ATRIP: variants seen among roughly 807,000 people sequenced by gnomAD.
ATRIP encodes ATR interacting protein, also known as ATR-interacting protein.
In ATRIP, 44 loss-of-function variants were observed where a neutral mutation model predicts 78.1. The ratio of observed to expected loss-of-function variants is 0.56; its 90% CI spans 0.44 to 0.72. The LOEUF (loss-of-function observed/expected upper bound fraction) is 0.72. ATRIP is among the 30% of genes least tolerant of loss of function. The pLI, the probability that ATRIP is intolerant of heterozygous loss-of-function variation, is 0.00. For synonymous variants in ATRIP, 388 were observed against 408.9 expected, an observed-to-expected ratio of 0.95 and a Z score of 0.62; for missense variants, 927 against 980.2, an observed-to-expected ratio of 0.95 and a Z score of 0.72.
intron 3 of ATRIP, among the ~76,000 whole-genome samples, chr3:48,453,498 C>G (rs948548470): frequency 3.3e-5 from 5 of 152,204 alleles, no homozygotes; most frequent in Non-Finnish European, 5.9e-5. Flanking sequence ...GGCTCATTTC[C>G]CTTATCTGTT....
chr3:48,466,797 C>G lies in ATRIP; in HGVS notation c.*1243C>G. The G allele has an allele frequency of 6.2e-7, 1 of 1,613,954 alleles. No homozygotes were observed. Among genetic ancestry groups the G allele is most frequent in the Non-Finnish European group, 8.5e-7 (1 of 1,180,028 alleles). On this transcript the variant is annotated 3_prime_UTR_variant, in exon 13 of 13. Transcript: ENST00000320211. Reference sequence around the variant, plus strand: ...CCACAGATGTGCCCTGGAGAGCCCCCCCACCTCTCAGGGGCCACCTCCCAC... The same window carrying G: ...CCACAGATGTGCCCTGGAGAGCCCCGCCACCTCTCAGGGGCCACCTCCCAC...
In ATRIP at chr3:48,463,823, G is replaced by GCTC; in HGVS notation, c.1828_1830dup (p.Leu610dup). The GCTC allele has an allele frequency of 6.2e-7, 1 of 1,614,118 alleles. No individual in the cohort carries two copies. The highest frequency in any genetic ancestry group is 8.5e-7 in the Non-Finnish European group (1 of 1,180,030). On this transcript the variant is annotated inframe_insertion, in exon 9 of 13. Coordinates refer to ENST00000320211, the MANE Select transcript of ATRIP (RefSeq NM_130384.3). ...TGCCTAGCGTGCTGCTGGCTGTTGA[G>GCTC]CTCCTCTCCCTGCTGGCGGACCACG...
chr3:48,456,005 C>T (rs1025482572), intron 4 of ATRIP, among the ~76,000 whole-genome samples: 3 of 152,044 alleles, frequency 2.0e-5, no homozygotes, highest in African/African-American at 7.2e-5. Flanking sequence ...CCTGTAATCC[C>T]AGCTATTTGG....
chr3:48,454,267 G>A, intron 3 of ATRIP, 33 bp from the exon 4 acceptor site: 6 of 1,290,184 alleles, frequency 4.7e-6, no homozygotes, highest in South Asian at 1.2e-5. Flanking sequence ...TATATGATGG[G>A]ACCACTACAA....
At chr3:48,465,136 T>TCC in intron 12 of ATRIP, 53 bp downstream of exon 12, 1 of 1,566,848 alleles carries the variant, frequency 6.4e-7, no homozygotes, top group Non-Finnish European at 8.7e-7. Context: ...TTCCAGAGGT[T>TCC]CCCCAACAAG....
intron 4 of ATRIP, among the ~76,000 whole-genome samples, chr3:48,456,092 C>T (rs2039948597): frequency 6.6e-6 from 1 of 151,968 alleles, no homozygotes; most frequent in Non-Finnish European, 1.5e-5. Flanking sequence ...TGCACTCCAG[C>T]CTGGGCAACA....
At chr3:48,464,528 C>T (rs2040213138) in intron 10 of ATRIP, 54 bp from the exon 11 acceptor site, 7 of 1,560,970 alleles carry the variant, frequency 4.5e-6, no homozygotes, top group Non-Finnish European at 6.2e-6. Flanking sequence ...AGAAAACCCT[C>T]GCAGGGACTG....
chr3:48,461,546 A>G (rs1305586009), intron 8 of ATRIP: 1 of 152,126 alleles, frequency 6.6e-6, no homozygotes, highest in African/African-American at 2.4e-5. Flanking sequence ...TTCCATCTGA[A>G]TATTTTTGGT....
At position 48,465,955 on chromosome 3, in the gene ATRIP, C is replaced by T. The variant is rs563050500; in HGVS notation, c.*401C>T. ...GACCCACAGGTGGGCATGAAAGGGC[C>T]GCAGCAGGGGCTCCCAGCAGTGTGT... is the stretch of plus-strand genomic sequence containing the variant. On this transcript the variant is annotated 3_prime_UTR_variant, in exon 13 of 13. Coordinates refer to ENST00000320211, the MANE Select transcript of ATRIP (RefSeq NM_130384.3). 145 of 286,660 alleles carry T rather than the reference C, an allele frequency of 5.1e-4. No homozygotes were observed. The highest frequency in any genetic ancestry group is 2.8e-3 in the African/African-American group (128 of 45,708). 17.8% of individuals were successfully genotyped at this position (286,660 alleles called of 1,614,324 possible). A position where few individuals can be genotyped will look rare whatever the true frequency, so the allele number is the denominator to read the frequency against.
At chr3:48,449,020 A>G (rs1459416245) in intron 1 of ATRIP, among the ~76,000 whole-genome samples, 1 of 152,210 alleles carries the variant, frequency 6.6e-6, no homozygotes, top group Non-Finnish European at 1.5e-5. Context: ...TAGATCATTG[A>G]GTTCTGGCCA....
In ATRIP at chr3:48,464,634, CT is replaced by C; in HGVS notation, c.2028del (p.Gly677AlafsTer16). On this transcript the variant is annotated frameshift_variant, in exon 11 of 13. Transcript: ENST00000320211. LOFTEE classifies it high-confidence loss of function. ...LGVQSPLPPV[T>X]GSNCQCNVEV... ...GTGCAGAGCCCCTTGCCCCCAGTCA[CT>C]GGCTCCAACTGCCAGTGTAATGTGG... is the stretch of plus-strand genomic sequence containing the variant. 6.2e-7 allele frequency: 1 copy of C among 1,614,168 alleles called. No individual in the cohort carries two copies. Among genetic ancestry groups the C allele is most frequent in the African/African-American group, 1.3e-5 (1 of 75,048 alleles).
intron 4 of ATRIP, among the ~76,000 whole-genome samples, chr3:48,454,621 A>G (rs1206926534): frequency 2.0e-5 from 3 of 152,178 alleles, no homozygotes; most frequent in African/African-American, 7.2e-5. Flanking sequence ...TACTCTAGAA[A>G]TGCTGCCTCT....
Position 48,466,889 on chromosome 3 carries a change from C to A in ATRIP, c.*1335C>A. 6.2e-7 allele frequency: 1 copy of A among 1,612,646 alleles called. No homozygotes were observed. Among genetic ancestry groups the A allele is most frequent in the Non-Finnish European group, 8.5e-7 (1 of 1,180,016 alleles). On this transcript the variant is annotated 3_prime_UTR_variant, in exon 13 of 13. Transcript: ENST00000320211. ...GTGTGGCTCCGGGGAAGGCCTGCAG[C>A]CCTGCAGCCAGCGAGATCACAGGTC...
Position 48,446,794 on chromosome 3 carries a change from C to A in ATRIP, c.-52C>A. 7.4e-7 allele frequency: 1 copy of A among 1,357,334 alleles called. No individual in the cohort carries two copies. Among genetic ancestry groups the A allele is most frequent in the Non-Finnish European group, 9.5e-7 (1 of 1,052,662 alleles). The allele number at this position is 1,357,334 out of a possible 1,614,324, so 84.1% of individuals were successfully genotyped here. A position where few individuals can be genotyped will look rare whatever the true frequency, so the allele number is the denominator to read the frequency against. The stretch of plus-strand genomic sequence containing the variant: ...CGGTTGGTCCAGTTCTCCGGCCTGG[C>A]GGCAGGCAAGTCTAGCTCGGCGCTG... On this transcript the variant is annotated 5_prime_UTR_variant, in exon 1 of 13. Transcript: ENST00000320211.
At position 48,460,236 on chromosome 3, in the gene ATRIP, C is replaced by T; in HGVS notation, c.1182C>T (p.Cys394=). 6.2e-7 allele frequency: 1 copy of T among 1,614,152 alleles called. No individual in the cohort carries two copies. Among genetic ancestry groups the T allele is most frequent in the Non-Finnish European group, 8.5e-7 (1 of 1,180,028 alleles). The change falls in exon 8 of 13, where the codon TGC becomes TGT. Residue 394 remains cysteine, a synonymous_variant. Coordinates refer to ENST00000320211, the MANE Select transcript of ATRIP (RefSeq NM_130384.3). ...TGAATCTGGTTGCCCGGAATGAGTG[C>T]TCACGTGATGGAGACCCAGCAGAGG... ...TGLNLVARNE[C]SRDGDPAEGG...
Position 48,467,350 on chromosome 3 carries a change from T to G in ATRIP, c.*1796T>G, listed in dbSNP as rs373284647. 3 of 1,614,042 alleles carry G rather than the reference T, an allele frequency of 1.9e-6. No homozygotes were observed. In the African/African-American group the frequency reaches 4.0e-5, roughly 22 times the overall value. On this transcript the variant is annotated 3_prime_UTR_variant, in exon 13 of 13. Transcript: ENST00000320211. ...AGGCCTTTCGGCACCATCAGGCCCATGTATGGGGTCACAGCCTCTGCTAGG... is the reference window on the plus strand; with the variant it reads ...AGGCCTTTCGGCACCATCAGGCCCAGGTATGGGGTCACAGCCTCTGCTAGG...
Position 48,464,155 on chromosome 3 carries a change from T to C in ATRIP, c.1974+23T>C, listed in dbSNP as rs1315353707. ...GAGGTAAAAACTCCAGAGCCCCTTCTGGACACTGTCCCCACCCCATCCTAA... is the reference window on the plus strand; with the variant it reads ...GAGGTAAAAACTCCAGAGCCCCTTCCGGACACTGTCCCCACCCCATCCTAA... On this transcript the variant is annotated intron_variant, in intron 10 of 12. Transcript: ENST00000320211. The C allele has an allele frequency of 3.2e-6, 5 of 1,576,478 alleles. No homozygotes were observed. In the South Asian group the frequency reaches 4.4e-5, roughly 14 times the overall value.
chr3:48,456,615 A>AT (rs1449680212), intron 4 of ATRIP, among the ~76,000 whole-genome samples: 6 of 151,568 alleles, frequency 4.0e-5, no homozygotes, highest in Admixed American at 3.9e-4. Context: ...AAAAAAAAAA[A>AT]AAATTAGCTG....
intron 1 of ATRIP, among the ~76,000 whole-genome samples, chr3:48,449,770 C>CAAAA (rs779657943): frequency 4.6e-5 from 2 of 43,308 alleles, no homozygotes; most frequent in African/African-American, 7.7e-5. Flanking sequence ...TACTAAAATC[C>CAAAA]AAAAAAAAAA....
Sources: gnomAD v4.1 joint callset for allele counts (sites outside exome capture counted in the v4.1 genomes callset) on GRCh38, gnomAD v4.1.1 for gene constraint, MANE v1.5 for transcripts, NCBI Gene and HGNC (gene_info 2026-07-23, HGNC 2026-07-21) for gene names.